SNED1: variants seen among roughly 807,000 people sequenced by gnomAD.
The protein encoded by SNED1 is sushi, nidogen and EGF like domains 1.
A neutral mutation model predicts 166.7 loss-of-function variants in SNED1; 81 were observed. The ratio of observed to expected loss-of-function variants is 0.49; its 90% CI spans 0.41 to 0.58. SNED1 has a LOEUF of 0.58. Ranked by LOEUF, SNED1 falls within the 20% of genes least tolerant of loss-of-function variation. The probability of loss-of-function intolerance (pLI) is 0.00; values close to 1 mark genes in which losing one functional copy is unlikely to be tolerated. For missense variants in SNED1, 1,604 were observed against 2,000.2 expected (o/e 0.80, Z 3.78); for synonymous variants, 762 against 822.0 (o/e 0.93, Z 1.25).
In SNED1 at chr2:241,094,285, C is replaced by T. The variant is rs776377296; in HGVS notation, c.*2649C>T. On this transcript the variant is annotated 3_prime_UTR_variant, in exon 32 of 32. Transcript: ENST00000310397. This position sits in a 1 kb window ranked among gnomAD's most constrained non-coding sequence, Gnocchi z 4.3. ...CTCAGGTATCAGCTCACCTCCTGCA[C>T]CTCCCCTTAGCAGGAACTCCTTCCA... 4.3e-6 allele frequency: 2 copies of T among 469,360 alleles called. No homozygotes were observed. The highest frequency in any genetic ancestry group is 3.1e-5 in the South Asian group (2 of 64,486). 29.1% of individuals were successfully genotyped at this position (469,360 alleles called of 1,614,324 possible).
intron 16 of SNED1, among the ~76,000 whole-genome samples, chr2:241,056,839 C>G (rs919408111): frequency 1.3e-5 from 2 of 151,952 alleles, no homozygotes; most frequent in Non-Finnish European, 2.9e-5. Flanking sequence ...CCTCAGCCTC[C>G]CACAGTGCTG....
chr2:241,053,395 A>G, intron 16 of SNED1, 69 bp downstream of exon 16: 2 of 1,454,146 alleles, frequency 1.4e-6, no homozygotes, highest in Admixed American at 4.2e-5. Context: ...CATGTGGAGG[A>G]GCACAGGGGC....
chr2:241,027,731 C>CTTTTTTTTTTTT lies in SNED1; in HGVS notation c.214-2552_214-2551insTTTTTTTTTTTT, dbSNP rs1293401106. On this transcript the variant is annotated intron_variant, in intron 1 of 31. Coordinates refer to ENST00000310397, the MANE Select transcript of SNED1 (RefSeq NM_001080437.3). ...CTTCACCAACCCTTGTTATTTTCTT[C>CTTTTTTTTTTTT]TGTTTTTTTTTTTTTTTTTTAAGGT... 1.5e-5 allele frequency among the ~76,000 whole-genome samples: 2 copies of CTTTTTTTTTTTT among 137,288 alleles called. 1 individual carries two copies. Among genetic ancestry groups the CTTTTTTTTTTTT allele is most frequent in the Non-Finnish European group, 3.1e-5 (2 of 64,328 alleles). The allele number at this position is 137,288 out of a possible 152,430, so 90.1% of individuals were successfully genotyped here.
chr2:241,038,524 TCA>T (rs2061437736), intron 6 of SNED1, among the ~76,000 whole-genome samples: 1 of 152,220 alleles, frequency 6.6e-6, no homozygotes, highest in Non-Finnish European at 1.5e-5. Context: ...TGTTTACAGA[TCA>T]CACATAGGTG....
At chr2:241,037,987 C>T (rs934943921) in intron 6 of SNED1, among the ~76,000 whole-genome samples, 2 of 152,174 alleles carry the variant, frequency 1.3e-5, no homozygotes, top group Admixed American at 6.5e-5. Context: ...TCATCAGAGT[C>T]AGCCTCTACT....
intron 1 of SNED1, among the ~76,000 whole-genome samples, chr2:241,000,899 C>T (rs1414380880): frequency 6.6e-6 from 1 of 152,194 alleles, no homozygotes; most frequent in East Asian, 1.9e-4. Flanking sequence ...GGACACCTTG[C>T]CTGAAGTAAC....
intron 1 of SNED1, among the ~76,000 whole-genome samples, chr2:241,014,830 T>C (rs2060529758): frequency 6.6e-6 from 1 of 151,952 alleles, no homozygotes; most frequent in Non-Finnish European, 1.5e-5. Context: ...CACCTGGAGG[T>C]GATCTTCTCT....
At chr2:241,089,338 C>T (rs1175857781) in intron 31 of SNED1, 1 of 1,550,632 alleles carries the variant, frequency 6.4e-7, no homozygotes, top group African/African-American at 1.4e-5. Context: ...CAAGCCACTT[C>T]AAAACAGGTC....
At position 241,067,866 on chromosome 2, in the gene SNED1, T is replaced by C; in HGVS notation, c.3113T>C (p.Val1038Ala). The change falls in exon 22 of 32, where the codon GTC becomes GCC. Residue 1038 changes from valine to alanine, a missense_variant. Val to Ala is a moderately conservative substitution (Grantham distance 64). This residue lies in a region of SNED1 where 1,237 missense variants were observed against 1,620.8 expected (regional missense o/e 0.76). Coordinates refer to ENST00000310397, the MANE Select transcript of SNED1 (RefSeq NM_001080437.3). ...ATCCGCCATGCCACCGTCAGTGGGG[T>C]CCGTGTGTCCATCCGCCACCCTGAG... ...HRIRHATVSG[V>A]RVSIRHPEAL... 6.2e-7 allele frequency: 1 copy of C among 1,613,174 alleles called. No homozygotes were observed. The highest frequency in any genetic ancestry group is 8.5e-7 in the Non-Finnish European group (1 of 1,179,786).
intron 8 of SNED1, among the ~76,000 whole-genome samples, chr2:241,044,789 T>C (rs2061606291): frequency 6.6e-6 from 1 of 152,214 alleles, no homozygotes; most frequent in South Asian, 2.1e-4. Flanking sequence ...TTCCCTTTCC[T>C]GTTGTTTTTC....
In SNED1 at chr2:241,047,290, G is replaced by A. The variant is rs138629910; in HGVS notation, c.1274-1025G>A. Among the ~76,000 whole-genome samples the A allele has an allele frequency of 7.8e-4, 119 of 152,170 alleles. 4 individuals are homozygous for A. The East Asian group carries it at 0.022, about 28-fold the overall frequency. ...AGGGACCTTTTATAACGATAGAGGG[G>A]TCAATTCATCCAGAAGACATAACTC... On this transcript the variant is annotated intron_variant, in intron 8 of 31. Coordinates refer to ENST00000310397, the MANE Select transcript of SNED1 (RefSeq NM_001080437.3).
intron 16 of SNED1, among the ~76,000 whole-genome samples, chr2:241,058,655 G>T (rs2062137494): frequency 2.6e-5 from 4 of 152,152 alleles, no homozygotes; most frequent in Non-Finnish European, 5.9e-5. Flanking sequence ...TCCTTGAAAA[G>T]ATCATTAAAA....
At position 241,030,466 on chromosome 2, in the gene SNED1, G is replaced by C. The variant is rs772269185; in HGVS notation, c.396G>C (p.Glu132Asp). The change falls in exon 2 of 32, where the codon GAG becomes GAC. Residue 132 changes from glutamate (E) to aspartate (D), a missense_variant. Transcript: ENST00000310397. ...CAGCCATGCTGCGCCGAGCCACGGA[G>C]GACGTCAGGCACTACTTCCCCGAGC... ...TDPAMLRRATEDVRHYFPELL... is the reference protein window; with the variant it reads ...TDPAMLRRATDDVRHYFPELL... 5 of 1,613,790 alleles carry C rather than the reference G, an allele frequency of 3.1e-6. No homozygotes were observed. In the African/African-American group the frequency reaches 5.3e-5, roughly 17 times the overall value.
Position 241,013,416 on chromosome 2 carries a change from C to T in SNED1, c.213+14366C>T, listed in dbSNP as rs1041949392. 1.4e-4 allele frequency among the ~76,000 whole-genome samples: 21 copies of T among 152,180 alleles called. No individual in the cohort carries two copies. The highest frequency in any genetic ancestry group is 3.1e-4 in the Non-Finnish European group (21 of 68,030). ...GAACTCATGGGCTCCAGTGATCCTC[C>T]CACTTCAGCCACACCCCACTCCACC... On this transcript the variant is annotated intron_variant, in intron 1 of 31. Transcript: ENST00000310397. This position sits in a 1 kb window ranked among gnomAD's most constrained non-coding sequence, Gnocchi z 4.6.
At position 241,062,870 on chromosome 2, in the gene SNED1, C is replaced by T; in HGVS notation, c.2337C>T (p.Cys779=). 2 of 1,609,500 alleles carry T rather than the reference C, an allele frequency of 1.2e-6. No individual in the cohort carries two copies. The highest frequency in any genetic ancestry group is 1.7e-6 in the Non-Finnish European group (2 of 1,178,298). ...GCGTTGCTGGGTACCTGTGCCTCTG[C>T]AGCACAGGCTATGAGGGCGCCCACT... ...QDRVAGYLCL[C]STGYEGAHCE... Residue 779 remains cysteine (C), a synonymous_variant, in exon 17 of 32, where the codon TGC becomes TGT. Coordinates refer to ENST00000310397, the MANE Select transcript of SNED1 (RefSeq NM_001080437.3).
intron 27 of SNED1, among the ~76,000 whole-genome samples, chr2:241,079,523 G>GA (rs2063224222): frequency 6.6e-6 from 1 of 152,006 alleles, no homozygotes; most frequent in African/African-American, 2.4e-5. Context: ...ATAAAGAAAT[G>GA]AAACTAATAA....
intron 1 of SNED1, among the ~76,000 whole-genome samples, chr2:241,019,352 A>C (rs2060699404): frequency 6.6e-6 from 1 of 152,220 alleles, no homozygotes; most frequent in Non-Finnish European, 1.5e-5. Context: ...GAGTGACCTG[A>C]GACAAAGGGA....
chr2:241,003,068 C>A (rs1248170476), intron 1 of SNED1, among the ~76,000 whole-genome samples: 1 of 152,118 alleles, frequency 6.6e-6, no homozygotes, highest in Non-Finnish European at 1.5e-5. Flanking sequence ...CCAGTGGGAT[C>A]CTGTCTCTCC....
chr2:241,081,720 C>T lies in SNED1; in HGVS notation c.3960C>T (p.Gly1320=), dbSNP rs1480294728. 6.2e-7 allele frequency: 1 copy of T among 1,609,688 alleles called. No individual in the cohort carries two copies. The highest frequency in any genetic ancestry group is 1.3e-5 in the African/African-American group (1 of 74,996). ...CAGAAAACCCCTGTCAGAACGGAGG[C>T]ACTTGTGTGCCGGGCGCAGACGCCC... ...NCSENPCQNG[G]TCVPGADAHS... Residue 1320 remains glycine (G), a synonymous_variant, in exon 28 of 32, where the codon GGC becomes GGT. Transcript: ENST00000310397.
Sources: allele counts gnomAD v4.1 joint callset (sites outside exome capture counted in the v4.1 genomes callset), GRCh38; gene constraint gnomAD v4.1.1; regional missense constraint gnomAD v4.1.1; non-coding constraint Gnocchi (gnomAD v3.1); transcripts MANE v1.5; gene names NCBI Gene and HGNC (gene_info 2026-07-23, HGNC 2026-07-21).